THSD7B: variants seen among roughly 807,000 people sequenced by gnomAD.
The protein encoded by THSD7B is thrombospondin type-1 domain-containing protein 7B.
THSD7B carries 138 observed loss-of-function variants against 213.6 expected under a neutral mutation model. That is an observed-to-expected ratio of 0.65 (90% CI 0.56 to 0.74). THSD7B has a LOEUF of 0.74. Among genes scored for constraint, THSD7B ranks in the 30% least tolerant of loss-of-function variants. The pLI, the probability that THSD7B is intolerant of heterozygous loss-of-function variation, is 0.00. For missense variants in THSD7B, 1,931 were observed against 1,991.5 expected, an observed-to-expected ratio of 0.97 and a Z score of 0.58; for synonymous variants, 742 against 687.0, an observed-to-expected ratio of 1.08 and a Z score of -1.25.
chr2:136,824,371 T>C (rs1434664970), intron 1 of THSD7B, among the ~76,000 whole-genome samples: 1 of 152,062 alleles, frequency 6.6e-6, no homozygotes, highest in Admixed American at 6.5e-5. Flanking sequence ...AAGCTCCCTT[T>C]GATTATTTAA....
intron 1 of THSD7B, among the ~76,000 whole-genome samples, chr2:136,850,057 C>G (rs542599095): frequency 3.3e-4 from 50 of 151,660 alleles, no homozygotes; most frequent in Non-Finnish European, 6.6e-4. Flanking sequence ...CATATATATG[C>G]TTTTATAAAA....
intron 2 of THSD7B, among the ~76,000 whole-genome samples, chr2:136,951,956 G>A (rs1161403799): frequency 6.6e-6 from 1 of 152,044 alleles, no homozygotes; most frequent in Non-Finnish European, 1.5e-5. Context: ...TGCAACCTCC[G>A]CCTCTTGGGT....
intron 2 of THSD7B, among the ~76,000 whole-genome samples, chr2:136,923,206 C>T (rs1684464316): frequency 2.0e-5 from 3 of 152,166 alleles, no homozygotes; most frequent in Non-Finnish European, 4.4e-5. Flanking sequence ...TGGAATCATA[C>T]AAGATTTGCC....
chr2:137,199,132 C>T (rs530088875), intron 7 of THSD7B, among the ~76,000 whole-genome samples: 5 of 152,238 alleles, frequency 3.3e-5, no homozygotes, highest in South Asian at 2.1e-4. Flanking sequence ...ATTCTACAAG[C>T]GAGTCCTATT....
At chr2:137,141,500 A>T (rs1321661291) in intron 5 of THSD7B, among the ~76,000 whole-genome samples, 1 of 35,332 alleles carries the variant, frequency 2.8e-5, no homozygotes, top group Admixed American at 3.2e-4. Context: ...ACACTCACAC[A>T]CACACACACA....
At chr2:136,830,720 A>G (rs16836859) in intron 1 of THSD7B, among the ~76,000 whole-genome samples, 5,494 of 152,272 alleles carry the variant, frequency 0.036, 191 homozygotes, top group East Asian at 0.17. Flanking sequence ...AATGGGTATC[A>G]GCCTATTTTT....
At chr2:137,465,692 C>T (rs1159875664) in intron 15 of THSD7B, among the ~76,000 whole-genome samples, 1 of 152,090 alleles carries the variant, frequency 6.6e-6, no homozygotes, top group Non-Finnish European at 1.5e-5. Flanking sequence ...TAAGACATAT[C>T]AGTAACATGG....
intron 13 of THSD7B, among the ~76,000 whole-genome samples, chr2:137,407,220 T>G (rs529040178): frequency 6.6e-6 from 1 of 152,334 alleles, no homozygotes; most frequent in South Asian, 2.1e-4. Context: ...CTAATGAATT[T>G]GACTTTTATT....
chr2:137,192,379 G>GTGA (rs1308011655), intron 7 of THSD7B, among the ~76,000 whole-genome samples: 1 of 152,164 alleles, frequency 6.6e-6, no homozygotes, highest in Non-Finnish European at 1.5e-5. Flanking sequence ...GAAGAGTGAA[G>GTGA]TGATATTCAT....
chr2:137,325,602 C>T (rs531862156), intron 12 of THSD7B, among the ~76,000 whole-genome samples: 1 of 152,234 alleles, frequency 6.6e-6, no homozygotes, highest in South Asian at 2.1e-4. Flanking sequence ...CACAGACACA[C>T]AAACACACAC....
chr2:137,459,619 C>T (rs150649873), intron 15 of THSD7B, among the ~76,000 whole-genome samples: 2,839 of 151,714 alleles, frequency 0.019, 86 homozygotes, highest in African/African-American at 0.065. Flanking sequence ...TAGCTGAGAT[C>T]GCACCACTGC....
At chr2:137,638,329 G>A (rs1369178343) in intron 20 of THSD7B, among the ~76,000 whole-genome samples, 1 of 152,116 alleles carries the variant, frequency 6.6e-6, no homozygotes, top group Non-Finnish European at 1.5e-5. Context: ...AGTCTCATGA[G>A]ATATGATGGG....
chr2:137,133,482 A>G (rs1688778218), intron 5 of THSD7B, among the ~76,000 whole-genome samples: 1 of 152,134 alleles, frequency 6.6e-6, no homozygotes, highest in Non-Finnish European at 1.5e-5. Context: ...ATGAGCATGT[A>G]AATTACCCAG....
chr2:136,786,513 C>T (rs962004273), intron 1 of THSD7B, among the ~76,000 whole-genome samples: 1 of 152,084 alleles, frequency 6.6e-6, no homozygotes. Flanking sequence ...CTCCTGGATT[C>T]GTCTGATTGC....
intron 2 of THSD7B, among the ~76,000 whole-genome samples, chr2:136,997,183 G>A (rs1558881317): frequency 6.6e-6 from 1 of 152,190 alleles, no homozygotes; most frequent in East Asian, 1.9e-4. Flanking sequence ...ATATTCCCTG[G>A]TGTAGGAAAC....
intron 5 of THSD7B, among the ~76,000 whole-genome samples, chr2:137,145,110 C>T (rs999687372): frequency 2.0e-5 from 3 of 152,040 alleles, no homozygotes; most frequent in Admixed American, 6.6e-5. Flanking sequence ...ATAAAGCCTC[C>T]TTAGGTCATG....
At chr2:137,556,060 G>A (rs757131646) in intron 15 of THSD7B, among the ~76,000 whole-genome samples, 13 of 152,294 alleles carry the variant, frequency 8.5e-5, no homozygotes, top group East Asian at 3.9e-4. Context: ...CCAAATCTAC[G>A]TCTAATTGGT....
At chr2:137,230,993 G>T in intron 7 of THSD7B, 51 bp from the exon 8 acceptor site, 1 of 1,547,522 alleles carries the variant, frequency 6.5e-7, no homozygotes, top group Non-Finnish European at 8.9e-7. Flanking sequence ...ATAAAGCAGT[G>T]AGGCTTGATT....
chr2:136,810,000 T>A (rs1396486624), intron 1 of THSD7B, among the ~76,000 whole-genome samples: 1 of 152,160 alleles, frequency 6.6e-6, no homozygotes, highest in African/African-American at 2.4e-5. Flanking sequence ...TTTTTGCAGT[T>A]CCTACTCTCA....
Sources: gnomAD v4.1 joint callset for allele counts (sites outside exome capture counted in the v4.1 genomes callset) on GRCh38, gnomAD v4.1.1 for gene constraint, MANE v1.5 for transcripts, NCBI Gene and HGNC (gene_info 2026-07-23, HGNC 2026-07-21) for gene names.